The following ZFPM1 variants were observed in gnomAD, a reference collection of about 807,000 sequenced individuals.
ZFPM1 encodes the protein zinc finger protein, FOG family member 1.
ZFPM1 carries 28 observed loss-of-function variants against 46.3 expected under a neutral mutation model. The observed-to-expected ratio is 0.60, with a 90% CI of 0.45 to 0.83. The LOEUF is 0.83. Ranked by LOEUF, ZFPM1 falls within the 40% of genes least tolerant of loss-of-function variation. The pLI is 0.00. For missense variants in ZFPM1, 1,878 were observed against 1,432.4 expected, an observed-to-expected ratio of 1.31 and a Z score of -5.02; for synonymous variants, 957 against 675.9, an observed-to-expected ratio of 1.42 and a Z score of -6.45.
At chr16:88,511,364 G>A (rs904377538) in intron 3 of ZFPM1, among the ~76,000 whole-genome samples, 14 of 152,076 alleles carry the variant, frequency 9.2e-5, no homozygotes, top group East Asian at 3.9e-4. Flanking sequence ...CCTCAGCCTC[G>A]CCGGGCCCCA....
chr16:88,484,016 C>T (rs929749865), intron 1 of ZFPM1, among the ~76,000 whole-genome samples: 2 of 152,232 alleles, frequency 1.3e-5, no homozygotes, highest in African/African-American at 4.8e-5. Flanking sequence ...TGGCACGTTT[C>T]TTACTGGCTG....
At chr16:88,495,080 T>C (rs1490316360) in intron 3 of ZFPM1, among the ~76,000 whole-genome samples, 1 of 152,144 alleles carries the variant, frequency 6.6e-6, no homozygotes, top group East Asian at 1.9e-4. Flanking sequence ...CATCGTGGGA[T>C]GTGGGGCTGA....
At chr16:88,494,543 G>A (rs1266749225) in intron 3 of ZFPM1, among the ~76,000 whole-genome samples, 1 of 152,188 alleles carries the variant, frequency 6.6e-6, no homozygotes, top group Admixed American at 6.5e-5. Flanking sequence ...CCCAGGAAGC[G>A]AGGGGGAAAC....
chr16:88,478,501 C>A (rs1444014672), intron 1 of ZFPM1, among the ~76,000 whole-genome samples: 2 of 152,274 alleles, frequency 1.3e-5, no homozygotes, highest in Non-Finnish European at 2.9e-5. Context: ...GTGCCGGCAT[C>A]CCTGTAAGGG....
chr16:88,491,025 C>T (rs1315397886), intron 3 of ZFPM1, among the ~76,000 whole-genome samples: 1 of 149,336 alleles, frequency 6.7e-6, no homozygotes, highest in Non-Finnish European at 1.5e-5. Flanking sequence ...TCGGGGCTCT[C>T]GGTCAGGCGC....
chr16:88,476,158 C>T (rs1367838405), intron 1 of ZFPM1, among the ~76,000 whole-genome samples: 1 of 152,034 alleles, frequency 6.6e-6, no homozygotes, highest in South Asian at 2.1e-4. Context: ...GGGACTCAGC[C>T]TGGCTCACCC....
At chr16:88,513,467 C>T (rs932564467) in intron 3 of ZFPM1, among the ~76,000 whole-genome samples, 2 of 152,248 alleles carry the variant, frequency 1.3e-5, no homozygotes, top group African/African-American at 4.8e-5. Context: ...AGCACTGCGG[C>T]CAGGGGACCA....
intron 3 of ZFPM1, among the ~76,000 whole-genome samples, chr16:88,502,460 TGTGGGCC>T (rs1199820059): frequency 6.6e-6 from 1 of 152,076 alleles, no homozygotes; most frequent in African/African-American, 2.4e-5. Context: ...CCCTGTGCCC[TGTGGGCC>T]GCCCGGGGCC....
intron 3 of ZFPM1, among the ~76,000 whole-genome samples, chr16:88,493,860 C>A (rs1909771280): frequency 6.6e-6 from 1 of 152,176 alleles, no homozygotes; most frequent in Non-Finnish European, 1.5e-5. Flanking sequence ...AAGTTCTGAG[C>A]TCTGTCTGCT....
rs1255317072 is a variant in ZFPM1, at chr16:88,458,411, C to A, written c.40+4733C>A. On this transcript the variant is annotated intron_variant, in intron 1 of 9. Coordinates refer to ENST00000319555, the MANE Select transcript of ZFPM1 (RefSeq NM_153813.3). ...GGGACTGCCGTCAGCCCCGCCAGCC[C>A]CTCCCTGGAGGTCACCAGGAACCCA... Among the ~76,000 whole-genome samples, 3 of 152,212 alleles carry A rather than the reference C, an allele frequency of 2.0e-5. No homozygotes were observed. In the East Asian group the frequency reaches 5.8e-4, roughly 29 times the overall value.
At chr16:88,489,004 G>T in intron 2 of ZFPM1, 27 bp from the exon 3 acceptor site, 1 of 1,606,614 alleles carries the variant, frequency 6.2e-7, no homozygotes, top group Non-Finnish European at 8.5e-7. Context: ...ACTCAGCAGG[G>T]ATGTGACGGT....
chr16:88,532,981 G>A, intron 9 of ZFPM1, 46 bp downstream of exon 9: 2 of 1,609,046 alleles, frequency 1.2e-6, no homozygotes, highest in Non-Finnish European at 1.7e-6. Flanking sequence ...GGCCCCCTGA[G>A]CAGTGGGAAG....
intron 3 of ZFPM1, 148 bp from the exon 4 acceptor site, chr16:88,514,239 T>C: frequency 7.3e-7 from 1 of 1,374,012 alleles, no homozygotes. Flanking sequence ...CCCAGGCCCC[T>C]GGGACCCAGC....
chr16:88,500,112 C>T (rs1384545839), intron 3 of ZFPM1, among the ~76,000 whole-genome samples: 3 of 152,306 alleles, frequency 2.0e-5, no homozygotes, highest in Non-Finnish European at 2.9e-5. Context: ...CCCTCCCACC[C>T]GGCTTCCTGC....
intron 4 of ZFPM1, among the ~76,000 whole-genome samples, chr16:88,520,113 A>ATGGG (rs1452496206): frequency 7.2e-6 from 1 of 139,180 alleles, no homozygotes; most frequent in Non-Finnish European, 1.5e-5. Flanking sequence ...GGATGAATGA[A>ATGGG]TGGGTGGGTG....
chr16:88,506,047 T>G (rs1466128921), intron 3 of ZFPM1, among the ~76,000 whole-genome samples: 1 of 152,116 alleles, frequency 6.6e-6, no homozygotes, highest in Non-Finnish European at 1.5e-5. Flanking sequence ...AAAACCCTCA[T>G]CCAGGAGGCC....
Position 88,532,949 on chromosome 16 carries a change from T to TG in ZFPM1, c.1189+19dup, listed in dbSNP as rs1308884415. ...AGCTGCCCCCAGGTGAGCAGCCCTG[T>TG]GGGGGCCACCCCTGCCCCTTAGGCC... is the stretch of plus-strand genomic sequence containing the variant. On this transcript the variant is annotated intron_variant, in intron 9 of 9. Coordinates refer to ENST00000319555, the MANE Select transcript of ZFPM1 (RefSeq NM_153813.3). 2 of 1,612,442 alleles carry TG rather than the reference T, an allele frequency of 1.2e-6. No homozygotes were observed. Among genetic ancestry groups the TG allele is most frequent in the African/African-American group, 2.7e-5 (2 of 74,916 alleles).
chr16:88,516,673 C>T (rs1216888112), intron 4 of ZFPM1: 9 of 398,334 alleles, frequency 2.3e-5, no homozygotes, highest in East Asian at 3.6e-5. Flanking sequence ...AATATTTTTG[C>T]GTCTCAGCGG....
intron 3 of ZFPM1, among the ~76,000 whole-genome samples, chr16:88,502,075 T>C (rs1172382073): frequency 7.7e-6 from 1 of 129,298 alleles, no homozygotes; most frequent in East Asian, 2.2e-4. Context: ...CATTTATTTA[T>C]TTATTTATTT....
Sources: allele counts gnomAD v4.1 joint callset (sites outside exome capture counted in the v4.1 genomes callset), GRCh38; gene constraint gnomAD v4.1.1; transcripts MANE v1.5; gene names NCBI Gene and HGNC (gene_info 2026-07-23, HGNC 2026-07-21).